PTPRB: variants seen among roughly 807,000 people sequenced by gnomAD.
PTPRB encodes the protein receptor-type tyrosine-protein phosphatase beta.
A neutral mutation model predicts 238.1 loss-of-function variants in PTPRB; 97 were observed. That is an observed-to-expected ratio of 0.41 (90% CI 0.35 to 0.48). The LOEUF (loss-of-function observed/expected upper bound fraction) is 0.48. PTPRB is among the 20% of genes least tolerant of loss of function. PTPRB has a pLI of 0.30. For missense variants in PTPRB, 2,292 were observed against 2,681.9 expected (o/e 0.85, Z 3.21); for synonymous variants, 970 against 995.4 (o/e 0.97, Z 0.48).
Position 70,609,108 on chromosome 12 carries a change from T to C in PTPRB, c.940A>G (p.Ile314Val), listed in dbSNP as rs111623299. 21 of 1,614,026 alleles carry C rather than the reference T, an allele frequency of 1.3e-5. No individual in the cohort carries two copies. Among genetic ancestry groups the C allele is most frequent in the Middle Eastern group, 3.3e-4 (2 of 6,062 alleles). Reference sequence around the variant, plus strand: ...ACTGTTCTCTCTTCATCCAGAGAAATAATCCTGAAGTTATAGATGGTTCCT... The same window carrying C: ...ACTGTTCTCTCTTCATCCAGAGAAACAATCCTGAAGTTATAGATGGTTCCT... ...QAGTIYNFRI[I>V]SLDEERTVVL... Residue 314 changes from isoleucine to valine, a missense_variant, in exon 4 of 34, where the codon ATT becomes GTT. Physicochemically the swap from Ile to Val is conservative, Grantham distance 29. Coordinates refer to ENST00000334414, the MANE Select transcript of PTPRB (RefSeq NM_001109754.4).
At position 70,587,015 on chromosome 12, in the gene PTPRB, C is replaced by G; in HGVS notation, c.2303G>C (p.Gly768Ala). The G allele has an allele frequency of 6.2e-7, 1 of 1,613,004 alleles. No individual in the cohort carries two copies. ...TTTATAAAGGTTACTACCTGTTCTTCCTTTTACTGAAGAGGAATTTTTTAA... is the reference window on the plus strand; with the variant it reads ...TTTATAAAGGTTACTACCTGTTCTTGCTTTTACTGAAGAGGAATTTTTTAA... ...GDLKNSSSVK[G>A]RTVPAQVTDL... Residue 768 changes from glycine to alanine, a missense_variant, in exon 9 of 34, where the codon GGA becomes GCA. This residue lies in a region of PTPRB where 1,205 missense variants were observed against 1,287.8 expected (regional missense o/e 0.94). Transcript: ENST00000334414.
chr12:70,621,296 T>C (rs1884917562), intron 3 of PTPRB, among the ~76,000 whole-genome samples: 1 of 152,132 alleles, frequency 6.6e-6, no homozygotes, highest in Admixed American at 6.6e-5. Flanking sequence ...AAGCCCAAAC[T>C]GGGTGGGGTG....
intron 10 of PTPRB, among the ~76,000 whole-genome samples, chr12:70,578,857 C>T (rs1244463965): frequency 6.6e-6 from 1 of 152,128 alleles, no homozygotes; most frequent in East Asian, 1.9e-4. Context: ...TTCTCAGGCT[C>T]CCAGGCAGTC....
chr12:70,576,671 G>GGGGGGT (rs1880776198), intron 10 of PTPRB, 26 bp from the exon 11 acceptor site: 43 of 243,912 alleles, frequency 1.8e-4, no homozygotes, highest in Non-Finnish European at 2.8e-4. Flanking sequence ...GTGGGGGGCG[G>GGGGGGT]GGGGGGGGGG....
intron 28 of PTPRB, among the ~76,000 whole-genome samples, chr12:70,537,311 A>G (rs927598361): frequency 6.7e-6 from 1 of 150,258 alleles, no homozygotes; most frequent in African/African-American, 2.4e-5. Flanking sequence ...AAAAAAAAGA[A>G]AGAAATACAG....
At position 70,540,966 on chromosome 12, in the gene PTPRB, A is replaced by G. The variant is rs750537676; in HGVS notation, c.5495-9T>C. On this transcript the variant is annotated splice_polypyrimidine_tract_variant and intron_variant, in intron 22 of 33. Transcript: ENST00000334414. ...AGCTCCAAACAAGGGCTCTACAATA[A>G]TCCAGATAGAAACAACAAACGCAGG... 2.8e-5 allele frequency: 44 copies of G among 1,591,246 alleles called. No individual in the cohort carries two copies. The highest frequency in any genetic ancestry group is 5.3e-5 in the Admixed American group (3 of 56,518).
Position 70,530,708 on chromosome 12 carries a change from T to G in PTPRB, c.6504+1327A>C, listed in dbSNP as rs991436499. Among the ~76,000 whole-genome samples, 111 of 152,288 alleles carry G rather than the reference T, an allele frequency of 7.3e-4. 1 individual carries two copies. Among genetic ancestry groups the G allele is most frequent in the African/African-American group, 2.5e-3 (102 of 41,572 alleles). On this transcript the variant is annotated intron_variant, in intron 32 of 33. Transcript: ENST00000334414. ...AGCAGGGGTTTGGGTACATGGAAAC[T>G]CACTATACTATTTTTCCTAGTTTTG... is the stretch of plus-strand genomic sequence containing the variant.
At chr12:70,521,575 T>C in intron 33 of PTPRB, 64 bp from the exon 34 acceptor site, 1 of 1,375,990 alleles carries the variant, frequency 7.3e-7, no homozygotes, top group Non-Finnish European at 9.6e-7. Context: ...TTACGCTGTT[T>C]ATGAAAATTA....
intron 1 of PTPRB, among the ~76,000 whole-genome samples, chr12:70,636,731 A>T (rs1207107885): frequency 6.6e-6 from 1 of 152,172 alleles, no homozygotes; most frequent in African/African-American, 2.4e-5. Context: ...CAATATCTAC[A>T]GTTTTCTCTC....
rs767033748 is a variant in PTPRB at position 70,622,376 on chromosome 12, C to A, written c.708+14G>T. Reference sequence around the variant, plus strand: ...ACGTGCACAGACCACACTCCACACACCCCCTCCTTTTACCTCTTCAGTGGT... The same window carrying A: ...ACGTGCACAGACCACACTCCACACAACCCCTCCTTTTACCTCTTCAGTGGT... On this transcript the variant is annotated intron_variant, in intron 3 of 33. Coordinates refer to ENST00000334414, the MANE Select transcript of PTPRB (RefSeq NM_001109754.4). The A allele has an allele frequency of 2.5e-6, 4 of 1,610,634 alleles. No homozygotes were observed. The highest frequency in any genetic ancestry group is 3.4e-6 in the Non-Finnish European group (4 of 1,178,760).
intron 9 of PTPRB, among the ~76,000 whole-genome samples, chr12:70,583,756 G>A (rs1244466108): frequency 6.6e-6 from 1 of 152,084 alleles, no homozygotes; most frequent in Non-Finnish European, 1.5e-5. Flanking sequence ...ATTAAAGTAG[G>A]TCTGGTTTGA....
At chr12:70,523,688 C>G (rs866108205) in intron 33 of PTPRB, among the ~76,000 whole-genome samples, 1 of 151,980 alleles carries the variant, frequency 6.6e-6, no homozygotes, top group South Asian at 2.1e-4. Context: ...TCCCTCTCTT[C>G]CCCGTTGCCA....
intron 10 of PTPRB, among the ~76,000 whole-genome samples, chr12:70,577,738 T>C (rs771535989): frequency 2.0e-5 from 3 of 152,194 alleles, no homozygotes; most frequent in Non-Finnish European, 4.4e-5. Flanking sequence ...GCATACCTTA[T>C]ACTTAAAAGC....
intron 2 of PTPRB, among the ~76,000 whole-genome samples, chr12:70,632,191 A>G (rs1447200518): frequency 6.6e-6 from 1 of 152,190 alleles, no homozygotes; most frequent in Non-Finnish European, 1.5e-5. Context: ...ATGTCCATCA[A>G]TGGTAGACTA....
At chr12:70,527,402 A>G (rs2136207914) in intron 32 of PTPRB, among the ~76,000 whole-genome samples, 1 of 152,346 alleles carries the variant, frequency 6.6e-6, no homozygotes, top group Non-Finnish European at 1.5e-5. Flanking sequence ...TGAGAAGTCT[A>G]GTGCAGCTAA....
At chr12:70,587,324 A>G in intron 8 of PTPRB, 57 bp from the exon 9 acceptor site, 2 of 1,545,760 alleles carry the variant, frequency 1.3e-6, no homozygotes, top group Non-Finnish European at 1.8e-6. Flanking sequence ...TTCATAGGGT[A>G]TACTTTTGAT....
At chr12:70,597,374 G>A (rs549338526) in intron 4 of PTPRB, among the ~76,000 whole-genome samples, 1 of 152,134 alleles carries the variant, frequency 6.6e-6, no homozygotes, top group Admixed American at 6.5e-5. Context: ...GTCCTGCTTT[G>A]CCTATGTTGA....
chr12:70,526,828 A>G (rs549507543), intron 32 of PTPRB, among the ~76,000 whole-genome samples: 1 of 152,314 alleles, frequency 6.6e-6, no homozygotes, highest in South Asian at 2.1e-4. Context: ...AATGAACTCT[A>G]GTGCATCTGT....
At chr12:70,568,095 A>G (rs1041338649) in intron 14 of PTPRB, among the ~76,000 whole-genome samples, 1 of 152,094 alleles carries the variant, frequency 6.6e-6, no homozygotes, top group African/African-American at 2.4e-5. Flanking sequence ...CTTACACTTC[A>G]CCTGGATGAC....
Sources: gnomAD v4.1 joint callset for allele counts (sites outside exome capture counted in the v4.1 genomes callset) on GRCh38, gnomAD v4.1.1 for gene constraint, gnomAD v4.1.1 regional missense constraint, MANE v1.5 for transcripts, NCBI Gene and HGNC (gene_info 2026-07-23, HGNC 2026-07-21) for gene names.